GULP1: variants seen among roughly 807,000 people sequenced by gnomAD.
GULP1 encodes the protein GULP PTB domain containing engulfment adaptor 1, also known as PTB domain-containing engulfment adapter protein 1.
Under a neutral mutation model 40.9 loss-of-function variants are expected in GULP1, and 19 were observed. The ratio of observed to expected loss-of-function variants is 0.46; its 90% CI spans 0.32 to 0.68. GULP1 has a LOEUF of 0.68. Among genes scored for constraint, GULP1 ranks in the 30% least tolerant of loss-of-function variants. The probability of loss-of-function intolerance (pLI) is 0.03; values close to 1 mark genes in which losing one functional copy is unlikely to be tolerated. For missense variants in GULP1, 312 were observed against 362.2 expected (o/e 0.86, Z 1.12); for synonymous variants, 119 against 117.6 (o/e 1.01, Z -0.08).
intron 1 of GULP1, among the ~76,000 whole-genome samples, chr2:188,310,223 A>G (rs2037851520): frequency 6.6e-6 from 1 of 152,236 alleles, no homozygotes. Context: ...AGAGGAAAGG[A>G]ACATGATACA....
chr2:188,531,582 C>A (rs1433089605), intron 6 of GULP1, among the ~76,000 whole-genome samples: 1 of 151,956 alleles, frequency 6.6e-6, no homozygotes, highest in Non-Finnish European at 1.5e-5. Flanking sequence ...TTAGTTACGG[C>A]GATTCTAAAA....
intron 2 of GULP1, among the ~76,000 whole-genome samples, chr2:188,463,159 T>G (rs890363930): frequency 6.6e-6 from 1 of 152,198 alleles, no homozygotes; most frequent in Admixed American, 6.5e-5. Flanking sequence ...TACTTTTCTT[T>G]CTGATTTAAG....
intron 5 of GULP1, among the ~76,000 whole-genome samples, chr2:188,523,923 G>GA (rs1685474115): frequency 6.6e-6 from 1 of 152,048 alleles, no homozygotes; most frequent in Admixed American, 6.6e-5. Context: ...TCCCATTTGG[G>GA]AAAAAAGTGG....
intron 1 of GULP1, among the ~76,000 whole-genome samples, chr2:188,346,110 C>T (rs1052416887): frequency 1.3e-5 from 2 of 152,166 alleles, no homozygotes; most frequent in African/African-American, 4.8e-5. Context: ...GTGGATATTC[C>T]TTTTAACCTC....
Position 188,520,369 on chromosome 2 carries a change from TTACTAAAAA to T in GULP1, c.91-2383_91-2375del, listed in dbSNP as rs1285997566. On this transcript the variant is annotated intron_variant, in intron 4 of 11. Transcript: ENST00000409830. Reference sequence around the variant, plus strand: ...TGGCCAACATGGTGAAACTCTGTCTTTACTAAAAATACAAAAATTACATGGGCGTGGTGG... The same window carrying T: ...TGGCCAACATGGTGAAACTCTGTCTTTACAAAAATTACATGGGCGTGGTGG... Among the ~76,000 whole-genome samples the T allele has an allele frequency of 3.3e-5, 5 of 151,456 alleles. No homozygotes were observed. In the East Asian group the frequency reaches 9.8e-4, roughly 30 times the overall value.
At chr2:188,462,583 A>G (rs1031712530) in intron 2 of GULP1, among the ~76,000 whole-genome samples, 1 of 152,234 alleles carries the variant, frequency 6.6e-6, no homozygotes, top group African/African-American at 2.4e-5. Context: ...TTTGCTTCAT[A>G]TATCTGGGTG....
chr2:188,483,051 G>A (rs2061558898), intron 3 of GULP1, among the ~76,000 whole-genome samples: 1 of 151,774 alleles, frequency 6.6e-6, no homozygotes. Context: ...ATATTTTATT[G>A]TTCTAGGAAT....
intron 1 of GULP1, among the ~76,000 whole-genome samples, chr2:188,348,241 T>A (rs1226916223): frequency 6.6e-6 from 1 of 152,162 alleles, no homozygotes; most frequent in African/African-American, 2.4e-5. Flanking sequence ...TTAAGAAAAA[T>A]TCTAAACACA....
At chr2:188,368,352 G>A (rs181278277) in intron 1 of GULP1, among the ~76,000 whole-genome samples, 15 of 152,138 alleles carry the variant, frequency 9.9e-5, no homozygotes, top group East Asian at 5.8e-4. Flanking sequence ...GGGCATAGGC[G>A]GGTGGATCAC....
intron 2 of GULP1, among the ~76,000 whole-genome samples, chr2:188,461,659 G>A (rs2059718364): frequency 6.6e-6 from 1 of 151,700 alleles, no homozygotes; most frequent in South Asian, 2.1e-4. Context: ...CTCTATTCAG[G>A]TTTTGAATTT....
At chr2:188,540,449 T>C (rs916570935) in intron 6 of GULP1, among the ~76,000 whole-genome samples, 2 of 151,906 alleles carry the variant, frequency 1.3e-5, no homozygotes, top group Non-Finnish European at 2.9e-5. Context: ...TGTGTGTGTG[T>C]GTGTGCGTGT....
At chr2:188,513,617 C>T (rs2064839251) in intron 4 of GULP1, among the ~76,000 whole-genome samples, 1 of 151,972 alleles carries the variant, frequency 6.6e-6, no homozygotes, top group Admixed American at 6.6e-5. Context: ...CTGGAGTGTT[C>T]TCATTTTTCT....
intron 7 of GULP1, among the ~76,000 whole-genome samples, chr2:188,543,404 C>T (rs1472809961): frequency 6.6e-6 from 1 of 151,942 alleles, no homozygotes; most frequent in African/African-American, 2.4e-5. Context: ...CAGATACCTC[C>T]CAACTATAAG....
chr2:188,315,120 G>A (rs2106447678), intron 1 of GULP1, among the ~76,000 whole-genome samples: 1 of 152,252 alleles, frequency 6.6e-6, no homozygotes, highest in Admixed American at 6.5e-5. Context: ...CATATGCTGA[G>A]ATTGCTGAGA....
intron 2 of GULP1, among the ~76,000 whole-genome samples, chr2:188,475,894 G>T (rs2060970931): frequency 6.6e-6 from 1 of 152,056 alleles, no homozygotes. Flanking sequence ...AAAAAAAAGA[G>T]AAGTACAGTA....
intron 1 of GULP1, among the ~76,000 whole-genome samples, chr2:188,330,283 A>C (rs1369372952): frequency 6.6e-6 from 1 of 152,190 alleles, no homozygotes; most frequent in East Asian, 1.9e-4. Context: ...AAGTACCTAT[A>C]AATAGGTATA....
chr2:188,323,682 GTGTGTGTA>G (rs1165549878), intron 1 of GULP1, among the ~76,000 whole-genome samples: 12 of 79,840 alleles, frequency 1.5e-4, no homozygotes, highest in South Asian at 3.2e-4. Flanking sequence ...GTGTGTGTGT[GTGTGTGTA>G]TGTGTGTACA....
At chr2:188,548,681 T>C (rs574314477) in intron 7 of GULP1, among the ~76,000 whole-genome samples, 4 of 152,118 alleles carry the variant, frequency 2.6e-5, no homozygotes, top group East Asian at 1.9e-4. Context: ...TCAAGACTTA[T>C]TAGATACCTT....
At position 188,308,244 on chromosome 2, in the gene GULP1, A is replaced by G. The variant is rs190843612; in HGVS notation, c.-172+16078A>G. Among the ~76,000 whole-genome samples the G allele has an allele frequency of 4.9e-4, 75 of 152,274 alleles. 1 individual carries two copies. The highest frequency in any genetic ancestry group is 1.8e-3 in the African/African-American group (73 of 41,560). On this transcript the variant is annotated intron_variant, in intron 1 of 11. Coordinates refer to ENST00000409830, the MANE Select transcript of GULP1 (RefSeq NM_016315.4). ...ACAGTCATTAAAGTAACTTAACATCATGGACAGAATCTGTTTTTTAGGTTT... is the reference window on the plus strand; with the variant it reads ...ACAGTCATTAAAGTAACTTAACATCGTGGACAGAATCTGTTTTTTAGGTTT...
Sources: gnomAD v4.1 joint callset for allele counts (sites outside exome capture counted in the v4.1 genomes callset) on GRCh38, gnomAD v4.1.1 for gene constraint, MANE v1.5 for transcripts, NCBI Gene and HGNC (gene_info 2026-07-23, HGNC 2026-07-21) for gene names.